The following DOCK3 variants were observed in gnomAD, a reference collection of about 807,000 sequenced individuals.
DOCK3 encodes dedicator of cytokinesis 3.
Under a neutral mutation model 265.6 loss-of-function variants are expected in DOCK3, and 60 were observed. That is an observed-to-expected ratio of 0.23 (90% CI 0.18 to 0.28). The LOEUF is 0.28. DOCK3 is among the 10% of genes least tolerant of loss of function. DOCK3 has a pLI of 1.00. For missense variants in DOCK3, 1,981 were observed against 2,594.3 expected (o/e 0.76, Z 5.14); for synonymous variants, 881 against 938.0 (o/e 0.94, Z 1.11).
intron 12 of DOCK3, among the ~76,000 whole-genome samples, chr3:51,166,168 A>G (rs926665978): frequency 1.3e-5 from 2 of 151,190 alleles, no homozygotes; most frequent in East Asian, 3.9e-4. Context: ...CTCCTGCCTC[A>G]GCCTCCCGAG....
intron 49 of DOCK3, among the ~76,000 whole-genome samples, chr3:51,370,387 C>T (rs1004296081): frequency 6.6e-6 from 1 of 152,150 alleles, no homozygotes; most frequent in Non-Finnish European, 1.5e-5. Flanking sequence ...CAGAAGGCAA[C>T]CAAGGATGGA....
chr3:50,964,094 C>T (rs536362647), intron 5 of DOCK3, among the ~76,000 whole-genome samples: 2 of 152,240 alleles, frequency 1.3e-5, no homozygotes, highest in South Asian at 2.1e-4. Flanking sequence ...ATTCACAGAG[C>T]GTCAGGTAGA....
intron 1 of DOCK3, among the ~76,000 whole-genome samples, chr3:50,698,631 A>G (rs891403502): frequency 7.0e-6 from 1 of 142,886 alleles, no homozygotes; most frequent in South Asian, 2.2e-4. Flanking sequence ...TAGAGGCTGC[A>G]CTCTTTTTCA....
chr3:50,868,714 A>G (rs562831783), intron 3 of DOCK3, among the ~76,000 whole-genome samples: 8 of 151,754 alleles, frequency 5.3e-5, no homozygotes, highest in Non-Finnish European at 8.8e-5. Flanking sequence ...TGGTCTTTTC[A>G]GGTTTTGGAT....
At chr3:50,805,755 C>T (rs1040795314) in intron 2 of DOCK3, among the ~76,000 whole-genome samples, 2 of 152,112 alleles carry the variant, frequency 1.3e-5, no homozygotes, top group African/African-American at 4.8e-5. Flanking sequence ...TCTTTGGCCT[C>T]GTATGTGGGT....
intron 5 of DOCK3, among the ~76,000 whole-genome samples, chr3:51,062,864 C>T (rs2081460686): frequency 6.6e-6 from 1 of 152,202 alleles, no homozygotes; most frequent in African/African-American, 2.4e-5. Flanking sequence ...GCCTTTATGG[C>T]TTAATCGTCA....
intron 1 of DOCK3, among the ~76,000 whole-genome samples, chr3:50,717,642 A>T (rs566300553): frequency 1.3e-5 from 2 of 152,272 alleles, no homozygotes; most frequent in Admixed American, 1.3e-4. Context: ...TTTTAAATTG[A>T]GACGGAGTCT....
At chr3:50,785,434 A>G (rs529493220) in intron 2 of DOCK3, among the ~76,000 whole-genome samples, 1 of 152,254 alleles carries the variant, frequency 6.6e-6, no homozygotes, top group East Asian at 1.9e-4. Flanking sequence ...TCCTCATTCA[A>G]TATAATGTTG....
chr3:50,707,609 G>T (rs888634294), intron 1 of DOCK3, among the ~76,000 whole-genome samples: 2 of 152,168 alleles, frequency 1.3e-5, no homozygotes, highest in Non-Finnish European at 1.5e-5. Context: ...CTTTGGTGGG[G>T]ATGGGGATGT....
intron 2 of DOCK3, among the ~76,000 whole-genome samples, chr3:50,827,445 CTTTT>C (rs984009310): frequency 6.6e-6 from 1 of 152,060 alleles, no homozygotes; most frequent in Non-Finnish European, 1.5e-5. Context: ...TCTGGGGTCT[CTTTT>C]ATAAGGGCAT....
At chr3:51,169,988 T>G (rs960068563) in intron 12 of DOCK3, among the ~76,000 whole-genome samples, 1 of 151,126 alleles carries the variant, frequency 6.6e-6, no homozygotes, top group Non-Finnish European at 1.5e-5. Flanking sequence ...GTAATTTTCT[T>G]TTTTTTATGG....
intron 12 of DOCK3, among the ~76,000 whole-genome samples, chr3:51,184,780 A>G (rs1275494159): frequency 6.6e-6 from 1 of 152,158 alleles, no homozygotes; most frequent in Non-Finnish European, 1.5e-5. Context: ...AAAAATAACA[A>G]TGTGGAAAGG....
intron 1 of DOCK3, among the ~76,000 whole-genome samples, chr3:50,710,826 A>G (rs1340436392): frequency 2.0e-5 from 3 of 152,220 alleles, no homozygotes; most frequent in Non-Finnish European, 4.4e-5. Flanking sequence ...ACTCAGCCAT[A>G]AAAAGGAACA....
intron 2 of DOCK3, among the ~76,000 whole-genome samples, chr3:50,839,685 G>A (rs530687719): frequency 3.8e-4 from 43 of 112,490 alleles, no homozygotes; most frequent in African/African-American, 1.3e-3. Flanking sequence ...TTTTTAATTG[G>A]GCTGTTTTCT....
At chr3:51,135,764 G>T (rs1232523710) in intron 9 of DOCK3, among the ~76,000 whole-genome samples, 1 of 151,740 alleles carries the variant, frequency 6.6e-6, no homozygotes, top group Non-Finnish European at 1.5e-5. Flanking sequence ...CTGTTGCCTA[G>T]GCTGGGAGTG....
intron 9 of DOCK3, among the ~76,000 whole-genome samples, chr3:51,132,206 G>T (rs1366889911): frequency 6.6e-6 from 1 of 152,084 alleles, no homozygotes; most frequent in Admixed American, 6.6e-5. Flanking sequence ...TACTTAGTGG[G>T]CCCAAATCAA....
At chr3:51,019,715 T>C in intron 5 of DOCK3, among the ~76,000 whole-genome samples, 1 of 28,854 alleles carries the variant, frequency 3.5e-5, no homozygotes, top group South Asian at 1.4e-3. Context: ...CACTTATAAG[T>C]GAGAACATGT....
chr3:51,282,341 G>A (rs555116063), intron 27 of DOCK3, among the ~76,000 whole-genome samples: 1 of 52,734 alleles, frequency 1.9e-5, no homozygotes, highest in East Asian at 3.2e-4. Flanking sequence ...GTGACATCAA[G>A]TTAATAATTT....
intron 12 of DOCK3, among the ~76,000 whole-genome samples, chr3:51,194,205 G>A (rs4568176): frequency 0.91 from 138,770 of 152,152 alleles, 63,425 homozygotes; most frequent in African/African-American, 0.96. Context: ...ATGTATTTAT[G>A]TAGTTTCCAA....
Sources: allele counts gnomAD v4.1 joint callset (sites outside exome capture counted in the v4.1 genomes callset), GRCh38; gene constraint gnomAD v4.1.1; transcripts MANE v1.5; gene names NCBI Gene and HGNC (gene_info 2026-07-23, HGNC 2026-07-21).